Variants in PRKCE observed in about 807,000 individuals in gnomAD.
PRKCE encodes the protein protein kinase C epsilon type.
A neutral mutation model predicts 85.4 loss-of-function variants in PRKCE; 16 were observed. The observed-to-expected ratio is 0.19, with a 90% CI of 0.13 to 0.28. The LOEUF (loss-of-function observed/expected upper bound fraction) is 0.28, where lower values mean the gene tolerates loss of function less well. Ranked by LOEUF, PRKCE falls within the 10% of genes least tolerant of loss-of-function variation. The pLI is 1.00. For synonymous variants in PRKCE, 388 were observed against 371.5 expected (o/e 1.04, Z -0.51); for missense variants, 573 against 975.2 (o/e 0.59, Z 5.49).
At chr2:46,061,065 T>C (rs1667069693) in intron 10 of PRKCE, among the ~76,000 whole-genome samples, 1 of 151,690 alleles carries the variant, frequency 6.6e-6, no homozygotes, top group Non-Finnish European at 1.5e-5. Flanking sequence ...TCCGGCCAGA[T>C]TTTTTGTCTT....
chr2:46,023,068 C>T lies in PRKCE; in HGVS notation c.1437+12551C>T, dbSNP rs549245009. ...ACTGCAGTCCGCAGTCCGTCCTGGG[C>T]GACAGAGCGAGACTCCGTCTCAAAA... On this transcript the variant is annotated intron_variant, in intron 10 of 14. Coordinates refer to ENST00000306156, the MANE Select transcript of PRKCE (RefSeq NM_005400.3). Among the ~76,000 whole-genome samples, 10 of 125,176 alleles carry T rather than the reference C, an allele frequency of 8.0e-5. No individual in the cohort carries two copies. In the East Asian group the frequency reaches 8.8e-4, roughly 11 times the overall value. The allele number at this position is 125,176 out of a possible 152,430, so 82.1% of individuals were successfully genotyped here.
intron 10 of PRKCE, among the ~76,000 whole-genome samples, chr2:46,051,711 C>G (rs966909755): frequency 7.2e-5 from 11 of 152,272 alleles, no homozygotes; most frequent in South Asian, 6.2e-4. Flanking sequence ...AAGTGAGAAA[C>G]AAATCCTCAA....
chr2:45,920,587 A>T (rs1451498701), intron 2 of PRKCE, among the ~76,000 whole-genome samples: 2 of 152,242 alleles, frequency 1.3e-5, no homozygotes, highest in African/African-American at 4.8e-5. Context: ...ACTGACATGG[A>T]TGACCCTTGA....
chr2:46,064,862 C>T (rs1165463865), intron 10 of PRKCE, among the ~76,000 whole-genome samples: 6 of 152,132 alleles, frequency 3.9e-5, no homozygotes, highest in African/African-American at 1.4e-4. Context: ...ATCGTCCTTT[C>T]ATGTGGGTGT....
intron 11 of PRKCE, among the ~76,000 whole-genome samples, chr2:46,124,820 T>A (rs151311894): frequency 3.9e-4 from 60 of 152,340 alleles, no homozygotes; most frequent in African/African-American, 1.4e-3. Flanking sequence ...ATGATGGTGC[T>A]GTATGGTTAT....
At chr2:45,834,937 T>A (rs1242897648) in intron 1 of PRKCE, among the ~76,000 whole-genome samples, 1 of 152,240 alleles carries the variant, frequency 6.6e-6, no homozygotes, top group East Asian at 1.9e-4. Flanking sequence ...TTTAAATAAT[T>A]CAGCAGACTC....
At chr2:46,047,697 T>A (rs1708610705) in intron 10 of PRKCE, among the ~76,000 whole-genome samples, 1 of 152,222 alleles carries the variant, frequency 6.6e-6, no homozygotes, top group South Asian at 2.1e-4. Context: ...GTGGTTCCCA[T>A]TTCCCCTCCC....
chr2:45,932,830 C>G (rs1284485858), intron 2 of PRKCE, among the ~76,000 whole-genome samples: 3 of 152,160 alleles, frequency 2.0e-5, no homozygotes, highest in Admixed American at 1.3e-4. Flanking sequence ...TACTTTGTCT[C>G]CATGAATTTT....
chr2:45,805,181 A>G (rs866171566), intron 1 of PRKCE, among the ~76,000 whole-genome samples: 7 of 152,308 alleles, frequency 4.6e-5, no homozygotes, highest in South Asian at 2.1e-4. Context: ...TGGGTTAGAC[A>G]CTATTACTAC....
At chr2:45,824,777 G>A (rs1467060615) in intron 1 of PRKCE, among the ~76,000 whole-genome samples, 3 of 152,138 alleles carry the variant, frequency 2.0e-5, no homozygotes, top group Non-Finnish European at 4.4e-5. Context: ...CTCCCTTTAT[G>A]TGAGTTTTCT....
intron 2 of PRKCE, among the ~76,000 whole-genome samples, chr2:45,899,469 C>T (rs985356741): frequency 3.3e-5 from 5 of 151,684 alleles, no homozygotes; most frequent in African/African-American, 1.2e-4. Context: ...CAGCCTCAAT[C>T]TCCCTAGGCT....
intron 2 of PRKCE, among the ~76,000 whole-genome samples, chr2:45,853,737 C>T (rs1324454178): frequency 6.6e-6 from 1 of 152,178 alleles, no homozygotes; most frequent in East Asian, 1.9e-4. Context: ...GGTGTTTGGC[C>T]TGACTTTGCT....
At chr2:46,030,530 C>A (rs1249365986) in intron 10 of PRKCE, among the ~76,000 whole-genome samples, 2 of 152,098 alleles carry the variant, frequency 1.3e-5, no homozygotes, top group African/African-American at 4.8e-5. Context: ...TGCCCCCCTC[C>A]CTGGGGATTC....
At chr2:45,790,500 T>G (rs1465300128) in intron 1 of PRKCE, among the ~76,000 whole-genome samples, 1 of 152,208 alleles carries the variant, frequency 6.6e-6, no homozygotes, top group Non-Finnish European at 1.5e-5. Context: ...ATGTATCTAT[T>G]AAAATAACCT....
intron 2 of PRKCE, among the ~76,000 whole-genome samples, chr2:45,859,884 G>A (rs1002101643): frequency 6.6e-6 from 1 of 152,274 alleles, no homozygotes; most frequent in Non-Finnish European, 1.5e-5. Context: ...GGCAAAATGA[G>A]CTGATGTGCA....
intron 1 of PRKCE, among the ~76,000 whole-genome samples, chr2:45,806,492 C>T (rs1054708688): frequency 3.9e-5 from 6 of 152,166 alleles, no homozygotes; most frequent in African/African-American, 9.7e-5. Context: ...GCATTAAGTC[C>T]GTTCACATTG....
intron 1 of PRKCE, among the ~76,000 whole-genome samples, chr2:45,715,583 C>T (rs564230008): frequency 2.6e-4 from 40 of 152,302 alleles, no homozygotes; most frequent in African/African-American, 9.6e-4. Flanking sequence ...AGAGACTTGG[C>T]TTCTTCTGAA....
At chr2:46,093,403 GTTT>G (rs34795658) in intron 11 of PRKCE, among the ~76,000 whole-genome samples, 1 of 146,056 alleles carries the variant, frequency 6.8e-6, no homozygotes, top group Admixed American at 6.8e-5. Context: ...TAAAAAAGCA[GTTT>G]TTTTTTTTTT....
chr2:46,132,189 T>C (rs1286225641), intron 11 of PRKCE, among the ~76,000 whole-genome samples: 2 of 152,188 alleles, frequency 1.3e-5, no homozygotes, highest in Non-Finnish European at 1.5e-5. Context: ...AAGTCCTCGG[T>C]GGTTGCTCTG....
Sources: allele counts gnomAD v4.1 joint callset (sites outside exome capture counted in the v4.1 genomes callset), GRCh38; gene constraint gnomAD v4.1.1; transcripts MANE v1.5; gene names NCBI Gene and HGNC (gene_info 2026-07-23, HGNC 2026-07-21).